KLHL29: variants seen among roughly 807,000 people sequenced by gnomAD.
The protein encoded by KLHL29 is kelch-like protein 29.
KLHL29 carries 21 observed loss-of-function variants against 80.4 expected under a neutral mutation model. The ratio of observed to expected loss-of-function variants is 0.26; its 90% CI spans 0.19 to 0.38. The LOEUF (loss-of-function observed/expected upper bound fraction) is 0.38, where lower values mean the gene tolerates loss of function less well. Among genes scored for constraint, KLHL29 ranks in the 10% least tolerant of loss-of-function variants. The pLI is 1.00. For synonymous variants in KLHL29, 511 were observed against 526.8 expected, an observed-to-expected ratio of 0.97 and a Z score of 0.41; for missense variants, 867 against 1,223.9, an observed-to-expected ratio of 0.71 and a Z score of 4.35.
At position 23,562,215 on chromosome 2, in the gene KLHL29, C is replaced by A. The variant is rs770052574; in HGVS notation, c.19C>A (p.Arg7Ser). ...CACCGAGATGTCCCGGCACCATAGCCGCTTCGAAAGAGATTACCGGGTGGG... is the reference window on the plus strand; with the variant it reads ...CACCGAGATGTCCCGGCACCATAGCAGCTTCGAAAGAGATTACCGGGTGGG... The part of the protein sequence containing the change: MSRHHS[R>S]FERDYRVGWD... Residue 7 changes from arginine (R) to serine (S), a missense_variant, in exon 3 of 14, where the codon CGC becomes AGC. Arg to Ser is a moderately radical substitution (Grantham distance 110). Coordinates refer to ENST00000486442, the MANE Select transcript of KLHL29 (RefSeq NM_052920.2). This position sits in a 1 kb window ranked among gnomAD's most constrained non-coding sequence, Gnocchi z 4.5. 1 of 1,550,722 alleles carries A rather than the reference C, an allele frequency of 6.4e-7. No individual in the cohort carries two copies. The highest frequency in any genetic ancestry group is 1.2e-5 in the South Asian group (1 of 84,054).
At chr2:23,396,797 T>A (rs1463772667) in intron 1 of KLHL29, among the ~76,000 whole-genome samples, 1 of 152,156 alleles carries the variant, frequency 6.6e-6, no homozygotes. Context: ...TATGGCAACA[T>A]GTTGTAAAAA....
At chr2:23,653,692 CTG>C (rs1475264601) in intron 5 of KLHL29, among the ~76,000 whole-genome samples, 1 of 152,208 alleles carries the variant, frequency 6.6e-6, no homozygotes, top group Non-Finnish European at 1.5e-5. Flanking sequence ...AGGGCAAACT[CTG>C]ACTCGAGAAT....
rs1050366809 is a variant in KLHL29, at chr2:23,576,918, T to TA, written c.285+14438dup. 1.2e-3 allele frequency among the ~76,000 whole-genome samples: 183 copies of TA among 152,122 alleles called. 3 individuals are homozygous for TA. Among genetic ancestry groups the TA allele is most frequent in the Non-Finnish European group, 3.2e-4 (22 of 68,016 alleles). On this transcript the variant is annotated intron_variant, in intron 3 of 13. Transcript: ENST00000486442. ...GAGCCTTGATAGACCCGCGGTCAGATAGTCAGTCAGGCACCAGCAGCTTTG... is the reference window on the plus strand; with the variant it reads ...GAGCCTTGATAGACCCGCGGTCAGATAAGTCAGTCAGGCACCAGCAGCTTTG...
intron 7 of KLHL29, among the ~76,000 whole-genome samples, 192 bp from the exon 8 acceptor site, chr2:23,693,077 G>A (rs1213399015): frequency 1.3e-5 from 2 of 152,144 alleles, no homozygotes; most frequent in African/African-American, 4.8e-5. Flanking sequence ...CATGAAATGG[G>A]GTAGGGGAGA....
intron 1 of KLHL29, among the ~76,000 whole-genome samples, chr2:23,404,927 G>T (rs914194221): frequency 6.6e-6 from 1 of 152,136 alleles, no homozygotes; most frequent in African/African-American, 2.4e-5. Context: ...ACCTTCTCTA[G>T]GTCCAAGTTC....
At chr2:23,691,440 A>G (rs1421029514) in intron 6 of KLHL29, 1 of 581,268 alleles carries the variant, frequency 1.7e-6, no homozygotes, top group South Asian at 2.1e-5. Context: ...CTTTTTTTGC[A>G]TGGACATGCC....
At chr2:23,497,762 G>C (rs1665311658) in intron 2 of KLHL29, among the ~76,000 whole-genome samples, 1 of 152,194 alleles carries the variant, frequency 6.6e-6, no homozygotes, top group South Asian at 2.1e-4. Flanking sequence ...GCTGGTGCGT[G>C]CATGTGACCT....
Position 23,642,504 on chromosome 2 carries a change from G to T in KLHL29, c.594G>T (p.Pro198=). The change falls in exon 5 of 14, where the codon CCG becomes CCT. Residue 198 remains proline, a synonymous_variant. Coordinates refer to ENST00000486442, the MANE Select transcript of KLHL29 (RefSeq NM_052920.2). ...CTCCCCACGTGGGGCCCCAGCTCCC[G>T]CTGATGCCAGGCCACTACTCGCTCC... ...SLPPHVGPQL[P]LMPGHYSLPQ... 1 of 1,521,234 alleles carries T rather than the reference G, an allele frequency of 6.6e-7. No individual in the cohort carries two copies. Among genetic ancestry groups the T allele is most frequent in the Non-Finnish European group, 8.9e-7 (1 of 1,127,308 alleles). The allele number at this position is 1,521,234 out of a possible 1,614,324, so 94.2% of individuals were successfully genotyped here.
chr2:23,524,360 G>T, intron 2 of KLHL29: 1 of 186,788 alleles, frequency 5.4e-6, no homozygotes, highest in Non-Finnish European at 1.1e-5. Context: ...GAAGTAGCAG[G>T]CCAGGAAATA....
chr2:23,691,483 G>A (rs1215230485), intron 6 of KLHL29, 191 bp from the exon 7 acceptor site: 2 of 600,178 alleles, frequency 3.3e-6, no homozygotes, highest in Non-Finnish European at 5.9e-6. Flanking sequence ...CTGTTCTTTT[G>A]GGCGTCTCTG....
chr2:23,684,624 C>G lies in KLHL29; in HGVS notation c.1079+87C>G. On this transcript the variant is annotated intron_variant, in intron 6 of 13. Coordinates refer to ENST00000486442, the MANE Select transcript of KLHL29 (RefSeq NM_052920.2). This position sits in a 1 kb window ranked among gnomAD's most constrained non-coding sequence, Gnocchi z 4.4. ...TTCTCTTCCCCTCTCTTGCAGGTTC[C>G]TGAAGCGTGACTCCCTGTCACAGAG... is the stretch of plus-strand genomic sequence containing the variant. The G allele has an allele frequency of 8.0e-7, 1 of 1,250,276 alleles. No individual in the cohort carries two copies. Among genetic ancestry groups the G allele is most frequent in the Non-Finnish European group, 1.1e-6 (1 of 923,790 alleles). The allele number at this position is 1,250,276 out of a possible 1,614,324, so 77.4% of individuals were successfully genotyped here.
intron 1 of KLHL29, among the ~76,000 whole-genome samples, chr2:23,450,213 C>T (rs1000484947): frequency 1.3e-5 from 2 of 152,064 alleles, no homozygotes. Context: ...TCTCGCCTCT[C>T]GGTGAGACAG....
At chr2:23,519,689 C>T (rs774372950) in intron 2 of KLHL29, among the ~76,000 whole-genome samples, 2 of 152,062 alleles carry the variant, frequency 1.3e-5, no homozygotes, top group Non-Finnish European at 2.9e-5. Flanking sequence ...CCAAGGTGGT[C>T]GGGGGACAGC....
At chr2:23,412,619 T>C (rs78782434) in intron 1 of KLHL29, among the ~76,000 whole-genome samples, 13,498 of 152,108 alleles carry the variant, frequency 0.089, 1,106 homozygotes, top group East Asian at 0.28. Flanking sequence ...GACAGAGCTG[T>C]GAGAACCAGA....
chr2:23,455,957 A>C (rs1664038416), intron 1 of KLHL29, among the ~76,000 whole-genome samples: 1 of 152,118 alleles, frequency 6.6e-6, no homozygotes, highest in South Asian at 2.1e-4. Context: ...GGGACACAGG[A>C]ATGTGCATGC....
chr2:23,691,446 A>G (rs910086787), intron 6 of KLHL29: 10 of 587,136 alleles, frequency 1.7e-5, no homozygotes, highest in African/African-American at 1.3e-4. Context: ...TTGCATGGAC[A>G]TGCCGAGTAG....
chr2:23,622,894 T>A (rs1266617280), intron 3 of KLHL29, among the ~76,000 whole-genome samples: 1 of 152,144 alleles, frequency 6.6e-6, no homozygotes, highest in Non-Finnish European at 1.5e-5. Context: ...GGGCATGGAG[T>A]GGTCTGTGAG....
At chr2:23,395,602 A>G (rs1242075366) in intron 1 of KLHL29, among the ~76,000 whole-genome samples, 1 of 152,160 alleles carries the variant, frequency 6.6e-6, no homozygotes, top group Non-Finnish European at 1.5e-5. Context: ...AAAATTAGCC[A>G]GGCGTGGTGG....
At position 23,507,054 on chromosome 2, in the gene KLHL29, G is replaced by A. The variant is rs189554629; in HGVS notation, c.-46+31387G>A. 149 of 415,338 alleles carry A rather than the reference G, an allele frequency of 3.6e-4. 1 individual carries two copies. Among genetic ancestry groups the A allele is most frequent in the African/African-American group, 2.8e-3 (139 of 48,988 alleles). The allele number at this position is 415,338 out of a possible 1,614,324, so 25.7% of individuals were successfully genotyped here. On this transcript the variant is annotated intron_variant, in intron 2 of 13. Coordinates refer to ENST00000486442, the MANE Select transcript of KLHL29 (RefSeq NM_052920.2). Reference sequence around the variant, plus strand: ...CTGTGACCAAAGCTAGACTGCAGCCGACCCTGGGGTTCTAATCAAAGTTTG... The same window carrying A: ...CTGTGACCAAAGCTAGACTGCAGCCAACCCTGGGGTTCTAATCAAAGTTTG...
Sources: gnomAD v4.1 joint callset for allele counts (sites outside exome capture counted in the v4.1 genomes callset) on GRCh38, gnomAD v4.1.1 for gene constraint, Gnocchi (gnomAD v3.1) non-coding constraint, MANE v1.5 for transcripts, NCBI Gene and HGNC (gene_info 2026-07-23, HGNC 2026-07-21) for gene names.